The following CSMD1 variants were observed in gnomAD, a reference collection of about 807,000 sequenced individuals.
CSMD1 encodes CUB and Sushi multiple domains 1.
A neutral mutation model predicts 417.5 loss-of-function variants in CSMD1; 213 were observed. The ratio of observed to expected loss-of-function variants is 0.51; its 90% CI spans 0.46 to 0.57. CSMD1 has a LOEUF of 0.57. Ranked by LOEUF, CSMD1 falls within the 20% of genes least tolerant of loss-of-function variation. The pLI, the probability that CSMD1 is intolerant of heterozygous loss-of-function variation, is 0.00. For missense variants in CSMD1, 6,923 were observed against 4,529.7 expected (o/e 1.53, Z -15.17); for synonymous variants, 2,862 against 1,736.8 (o/e 1.65, Z -16.11).
chr8:4,304,626 G>C (rs1046986518), intron 3 of CSMD1, among the ~76,000 whole-genome samples: 6 of 152,154 alleles, frequency 3.9e-5, no homozygotes, highest in East Asian at 3.9e-4. Flanking sequence ...ATACAGATCA[G>C]ATTCCCCTCA....
Position 4,454,292 on chromosome 8 carries a change from C to G in CSMD1, c.303-34227G>C, listed in dbSNP as rs1799337378. ...TAACTGGACTCCTGACTTCGGTGGA[C>G]ACCAGACGCAGCCTCTTCTTCCGCA... On this transcript the variant is annotated intron_variant, in intron 2 of 69. Transcript: ENST00000635120. Among the ~76,000 whole-genome samples, 3 of 152,170 alleles carry G rather than the reference C, an allele frequency of 2.0e-5. No homozygotes were observed. The South Asian group carries it at 6.2e-4, about 32-fold the overall frequency.
intron 5 of CSMD1, among the ~76,000 whole-genome samples, chr8:3,817,279 TTTTTTTTTTTTTTTTTTTTG>T (rs1801437413): frequency 1.1e-4 from 8 of 69,738 alleles, no homozygotes; most frequent in South Asian, 5.9e-4. Context: ...TTTTTTTTTT[TTTTTTTTTTTTTTTTTTTTG>T]AGATGGAGTC....
chr8:4,852,385 C>A (rs901017885), intron 1 of CSMD1, among the ~76,000 whole-genome samples: 1 of 151,892 alleles, frequency 6.6e-6, no homozygotes, highest in Non-Finnish European at 1.5e-5. Flanking sequence ...TGGCTCCTCT[C>A]CTCTCTCTCT....
chr8:4,895,900 T>C (rs757440925), intron 1 of CSMD1, among the ~76,000 whole-genome samples: 1 of 152,132 alleles, frequency 6.6e-6, no homozygotes, highest in Non-Finnish European at 1.5e-5. Flanking sequence ...GTAAATACGT[T>C]GAATTTTGGT....
At chr8:4,859,245 C>T (rs1411790595) in intron 1 of CSMD1, among the ~76,000 whole-genome samples, 1 of 151,902 alleles carries the variant, frequency 6.6e-6, no homozygotes, top group Admixed American at 6.6e-5. Flanking sequence ...CCCTTCCTTA[C>T]ACCTTATACA....
chr8:3,673,873 T>C (rs1234951751), intron 7 of CSMD1, among the ~76,000 whole-genome samples: 3 of 152,054 alleles, frequency 2.0e-5, no homozygotes, highest in African/African-American at 7.2e-5. Flanking sequence ...ATCCTAGCAC[T>C]TTGGGAGGCC....
Position 3,523,648 on chromosome 8 carries a change from C to G in CSMD1, c.1345-29922G>C, listed in dbSNP as rs573819039. Among the ~76,000 whole-genome samples, 796 of 151,038 alleles carry G rather than the reference C, an allele frequency of 5.3e-3. 6 individuals carry two copies. Among genetic ancestry groups the G allele is most frequent in the African/African-American group, 0.019 (757 of 40,736 alleles). ...ATGCACACCGAGACACGTGCACACA[C>G]AGGCACAGTTACACATGCACACACA... On this transcript the variant is annotated intron_variant, in intron 10 of 69. Transcript: ENST00000635120.
At chr8:3,306,711 G>A (rs935901265) in intron 25 of CSMD1, among the ~76,000 whole-genome samples, 6 of 152,134 alleles carry the variant, frequency 3.9e-5, no homozygotes, top group African/African-American at 1.4e-4. Flanking sequence ...GATTGGTTAG[G>A]ACTGTGTGTC....
intron 1 of CSMD1, among the ~76,000 whole-genome samples, chr8:4,911,715 A>C (rs941647486): frequency 2.0e-5 from 3 of 152,190 alleles, no homozygotes; most frequent in Admixed American, 6.5e-5. Flanking sequence ...CCAGAAACTG[A>C]ATCAACTCTA....
chr8:4,071,194 C>CG (rs1799537742), intron 3 of CSMD1, among the ~76,000 whole-genome samples: 3 of 151,720 alleles, frequency 2.0e-5, no homozygotes, highest in African/African-American at 7.3e-5. Flanking sequence ...TATTCTCCCT[C>CG]TCTTTCTCCT....
At position 4,519,742 on chromosome 8, in the gene CSMD1, C is replaced by CAAAAAAAAAAAAAAAAAA. The variant is rs57747377; in HGVS notation, c.303-99695_303-99678dup. ...TAGGCAGCAGAGTCAGACTTCATCT[C>CAAAAAAAAAAAAAAAAAA]AAAAAAAAAAAAAAAAAAAAAAAAA... is the stretch of plus-strand genomic sequence containing the variant. On this transcript the variant is annotated intron_variant, in intron 2 of 69. Coordinates refer to ENST00000635120, the MANE Select transcript of CSMD1 (RefSeq NM_033225.6). 7.1e-4 allele frequency among the ~76,000 whole-genome samples: 57 copies of CAAAAAAAAAAAAAAAAAA among 80,368 alleles called. 20 individuals are homozygous for CAAAAAAAAAAAAAAAAAA. The highest frequency in any genetic ancestry group is 2.7e-3 in the African/African-American group (51 of 19,122). 52.7% of individuals were successfully genotyped at this position (80,368 alleles called of 152,430 possible). A position where few individuals can be genotyped will look rare whatever the true frequency, so the allele number is the denominator to read the frequency against.
rs372205002 is a variant in CSMD1 at position 3,977,507 on chromosome 8, T to C, written c.818+20396A>G. 2.0e-5 allele frequency among the ~76,000 whole-genome samples: 3 copies of C among 152,340 alleles called. No homozygotes were observed. In the East Asian group the frequency reaches 5.8e-4, roughly 29 times the overall value. The stretch of plus-strand genomic sequence containing the variant: ...AAAATTAAGGAAAACTCACAGGTAA[T>C]TTGCTTTGACAGTTTTGGATTCTGC... On this transcript the variant is annotated intron_variant, in intron 5 of 69. Coordinates refer to ENST00000635120, the MANE Select transcript of CSMD1 (RefSeq NM_033225.6).
chr8:4,418,402 G>A (rs894071246), intron 3 of CSMD1, among the ~76,000 whole-genome samples: 1 of 152,018 alleles, frequency 6.6e-6, no homozygotes, highest in Non-Finnish European at 1.5e-5. Context: ...AAATAGCCCA[G>A]AAATATTTGA....
At chr8:3,706,775 T>C (rs1801192347) in intron 7 of CSMD1, among the ~76,000 whole-genome samples, 1 of 147,848 alleles carries the variant, frequency 6.8e-6, no homozygotes, top group African/African-American at 2.4e-5. Flanking sequence ...ATTTTCAAAC[T>C]ACTGTAAATA....
intron 11 of CSMD1, among the ~76,000 whole-genome samples, chr8:3,476,971 G>A (rs373102749): frequency 6.6e-6 from 1 of 151,410 alleles, no homozygotes; most frequent in Non-Finnish European, 1.5e-5. Context: ...AGTTGGGGGA[G>A]CCTGTCAACA....
intron 1 of CSMD1, among the ~76,000 whole-genome samples, chr8:4,842,413 T>C (rs1402694301): frequency 6.6e-6 from 1 of 152,246 alleles, no homozygotes; most frequent in Admixed American, 6.5e-5. Flanking sequence ...AAACTTCAAA[T>C]GCAAGCCCAA....
chr8:4,416,450 A>G (rs960800960), intron 3 of CSMD1, among the ~76,000 whole-genome samples: 2 of 152,216 alleles, frequency 1.3e-5, no homozygotes, highest in South Asian at 2.1e-4. Flanking sequence ...ATTTGAAATT[A>G]TATTCATAAT....
chr8:4,834,418 GA>G (rs964428664), intron 1 of CSMD1, among the ~76,000 whole-genome samples: 61 of 152,000 alleles, frequency 4.0e-4, no homozygotes, highest in African/African-American at 1.4e-3. Flanking sequence ...ACAATATTAT[GA>G]AAAAAAAGCA....
At chr8:3,380,817 A>C (rs1008130550) in intron 18 of CSMD1, among the ~76,000 whole-genome samples, 13 of 151,904 alleles carry the variant, frequency 8.6e-5, no homozygotes, top group African/African-American at 2.7e-4. Flanking sequence ...GTGCAGCAAA[A>C]CACCATGGCG....
Sources: gnomAD v4.1 joint callset for allele counts (sites outside exome capture counted in the v4.1 genomes callset) on GRCh38, gnomAD v4.1.1 for gene constraint, MANE v1.5 for transcripts, NCBI Gene and HGNC (gene_info 2026-07-23, HGNC 2026-07-21) for gene names.